The following SPATS2L variants were observed in gnomAD, a reference collection of about 807,000 sequenced individuals.
SPATS2L encodes the protein SPATS2-like protein.
SPATS2L carries 30 observed loss-of-function variants against 59.6 expected under a neutral mutation model. The ratio of observed to expected loss-of-function variants is 0.50; its 90% CI spans 0.38 to 0.68. SPATS2L has a LOEUF of 0.68. SPATS2L is among the 30% of genes least tolerant of loss of function. SPATS2L has a pLI of 0.00. For missense variants in SPATS2L, 615 were observed against 700.0 expected, an observed-to-expected ratio of 0.88 and a Z score of 1.37; for synonymous variants, 252 against 263.5, an observed-to-expected ratio of 0.96 and a Z score of 0.42.
intron 1 of SPATS2L, among the ~76,000 whole-genome samples, chr2:200,322,456 A>G (rs976418865): frequency 6.6e-6 from 1 of 152,230 alleles, no homozygotes; most frequent in Admixed American, 6.5e-5. Flanking sequence ...CCTTTGCTGT[A>G]AGCTGATACA....
At chr2:200,312,054 G>A (rs2079208974) in intron 1 of SPATS2L, among the ~76,000 whole-genome samples, 1 of 152,174 alleles carries the variant, frequency 6.6e-6, no homozygotes, top group East Asian at 1.9e-4. Flanking sequence ...GTGGGCTGCA[G>A]TGTTCAATAA....
chr2:200,479,719 T>C lies in SPATS2L; in HGVS notation c.*1688T>C. The C allele has an allele frequency of 2.5e-6, 1 of 398,628 alleles. No individual in the cohort carries two copies. The highest frequency in any genetic ancestry group is 4.4e-6 in the Non-Finnish European group (1 of 226,074). The allele number at this position is 398,628 out of a possible 1,614,324, so 24.7% of individuals were successfully genotyped here. On this transcript the variant is annotated 3_prime_UTR_variant, in exon 13 of 13. Coordinates refer to ENST00000409140, the MANE Select transcript of SPATS2L (RefSeq NM_001100423.2). Reference sequence around the variant, plus strand: ...GCAAATGCTTATTCTCAACTCAACATTAACATTTTTTCTGGCAACCCAGGT... The same window carrying C: ...GCAAATGCTTATTCTCAACTCAACACTAACATTTTTTCTGGCAACCCAGGT...
rs146290680 is a variant in SPATS2L at position 200,462,756 on chromosome 2, A to C, written c.847+2929A>C. Among the ~76,000 whole-genome samples, 1,217 of 152,230 alleles carry C rather than the reference A, an allele frequency of 8.0e-3. 10 individuals carry two copies. The highest frequency in any genetic ancestry group is 0.012 in the Non-Finnish European group (786 of 68,020). The stretch of plus-strand genomic sequence containing the variant: ...AACATAGTAAGACCCCATCTCTAAA[A>C]AAATAAAAATAAAAAATAAATTAGC... On this transcript the variant is annotated intron_variant, in intron 9 of 12. Coordinates refer to ENST00000409140, the MANE Select transcript of SPATS2L (RefSeq NM_001100423.2).
chr2:200,374,149 A>G (rs1418209392), intron 2 of SPATS2L, among the ~76,000 whole-genome samples: 1 of 152,204 alleles, frequency 6.6e-6, no homozygotes, highest in African/African-American at 2.4e-5. Context: ...CTGCATCATA[A>G]TTAACTAAAT....
intron 2 of SPATS2L, among the ~76,000 whole-genome samples, chr2:200,367,873 G>A (rs1479180640): frequency 6.6e-6 from 1 of 152,190 alleles, no homozygotes; most frequent in Non-Finnish European, 1.5e-5. Flanking sequence ...ACTGGTAAGT[G>A]ATAAGAGTTG....
At chr2:200,397,606 T>C (rs1388919465) in intron 3 of SPATS2L, among the ~76,000 whole-genome samples, 1 of 151,848 alleles carries the variant, frequency 6.6e-6, no homozygotes, top group African/African-American at 2.4e-5. Flanking sequence ...TAGTGGACTT[T>C]TGATTTATTT....
At position 200,479,141 on chromosome 2, in the gene SPATS2L, G is replaced by A. The variant is rs2087719654; in HGVS notation, c.*1110G>A. ...TGGTCTCAAACCCCTGACCTCAGGT[G>A]ATCCACCTGCTTTGGCCTCCGAAAC... On this transcript the variant is annotated 3_prime_UTR_variant, in exon 13 of 13. Transcript: ENST00000409140. The A allele has an allele frequency of 6.4e-6, 1 of 156,064 alleles. No homozygotes were observed. The highest frequency in any genetic ancestry group is 1.4e-5 in the Non-Finnish European group (1 of 70,814). 9.7% of individuals were successfully genotyped at this position (156,064 alleles called of 1,614,324 possible).
chr2:200,389,565 G>C (rs374803852), intron 3 of SPATS2L: 3 of 320,724 alleles, frequency 9.4e-6, no homozygotes, highest in Admixed American at 4.6e-5. Flanking sequence ...TTGAGAAACA[G>C]AGAAGTAATT....
intron 8 of SPATS2L, among the ~76,000 whole-genome samples, chr2:200,449,041 A>G (rs1304983675): frequency 6.6e-6 from 1 of 152,256 alleles, no homozygotes; most frequent in Admixed American, 6.5e-5. Flanking sequence ...CAAGGTTCCC[A>G]TAACTTTGTG....
At chr2:200,371,989 G>C in intron 2 of SPATS2L, 1 of 979,666 alleles carries the variant, frequency 1.0e-6, no homozygotes, top group Non-Finnish European at 1.2e-6. Context: ...AGGAAGAAAG[G>C]CTCTTTCCAT....
chr2:200,418,256 G>A (rs1026570513), intron 5 of SPATS2L, among the ~76,000 whole-genome samples: 4 of 152,162 alleles, frequency 2.6e-5, no homozygotes, highest in African/African-American at 9.7e-5. Context: ...TTACCTTGAA[G>A]CTGTTGTCTG....
chr2:200,433,690 A>G (rs2084089879), intron 6 of SPATS2L, among the ~76,000 whole-genome samples: 1 of 152,114 alleles, frequency 6.6e-6, no homozygotes, highest in South Asian at 2.1e-4. Context: ...GGATGTTATA[A>G]ACAACTTTAT....
chr2:200,378,948 C>T (rs551697860), intron 2 of SPATS2L, among the ~76,000 whole-genome samples: 15 of 152,302 alleles, frequency 9.8e-5, no homozygotes, highest in South Asian at 2.1e-4. Flanking sequence ...TCCCCAGCCC[C>T]GCTAACAGCA....
chr2:200,433,932 T>C (rs4674063), intron 6 of SPATS2L, among the ~76,000 whole-genome samples: 132,103 of 152,058 alleles, frequency 0.87, 58,275 homozygotes, highest in Non-Finnish European at 0.94. Context: ...GAATACTTCC[T>C]AACTCATTTT....
At chr2:200,401,040 C>A (rs972713529) in intron 3 of SPATS2L, among the ~76,000 whole-genome samples, 1 of 152,210 alleles carries the variant, frequency 6.6e-6, no homozygotes, top group Non-Finnish European at 1.5e-5. Context: ...AAGGAAAAGA[C>A]TTCCAAAGCC....
chr2:200,386,142 G>A (rs889637622), intron 2 of SPATS2L, among the ~76,000 whole-genome samples: 1 of 152,168 alleles, frequency 6.6e-6, no homozygotes, highest in Non-Finnish European at 1.5e-5. Flanking sequence ...TGTGGAGAGG[G>A]TATTGGAACC....
At chr2:200,387,331 C>A (rs1362165399) in intron 2 of SPATS2L, among the ~76,000 whole-genome samples, 1 of 152,154 alleles carries the variant, frequency 6.6e-6, no homozygotes, top group Non-Finnish European at 1.5e-5. Flanking sequence ...AGATGGGGCA[C>A]TTTTATGGAG....
intron 2 of SPATS2L, among the ~76,000 whole-genome samples, chr2:200,355,736 A>T (rs1454643726): frequency 1.3e-5 from 2 of 152,266 alleles, no homozygotes; most frequent in East Asian, 1.9e-4. Flanking sequence ...CTTTTTAAAC[A>T]GTGAAGCAAA....
intron 8 of SPATS2L, among the ~76,000 whole-genome samples, chr2:200,455,756 C>T (rs2085790077): frequency 6.6e-6 from 1 of 152,132 alleles, no homozygotes; most frequent in Non-Finnish European, 1.5e-5. Flanking sequence ...GCCAAGTGCC[C>T]TCTGTCCTAT....
Sources: gnomAD v4.1 joint callset for allele counts (sites outside exome capture counted in the v4.1 genomes callset) on GRCh38, gnomAD v4.1.1 for gene constraint, MANE v1.5 for transcripts, NCBI Gene and HGNC (gene_info 2026-07-23, HGNC 2026-07-21) for gene names.